Variants in SNORC observed in about 807,000 individuals in gnomAD.
SNORC encodes protein SNORC.
Under a neutral mutation model 9.7 loss-of-function variants are expected in SNORC, and 11 were observed. That is an observed-to-expected ratio of 1.14 (90% CI 0.72 to 1.88). The LOEUF (loss-of-function observed/expected upper bound fraction) is 1.88, where lower values mean the gene tolerates loss of function less well. Among genes scored for constraint, SNORC ranks in the 40% most tolerant of loss-of-function variants. The pLI is 0.00. For synonymous variants in SNORC, 108 were observed against 88.7 expected (o/e 1.22, Z -1.22); for missense variants, 197 against 173.1 (o/e 1.14, Z -0.77).
downstream of SNORC, chr2:232,876,640 C>G (rs1018487142): frequency 6.8e-6 from 7 of 1,030,756 alleles, no homozygotes; most frequent in African/African-American, 1.2e-4. The surrounding 1 kb of genome is among the most constrained non-coding windows in gnomAD (Gnocchi z 6.8). Context: ...CGCGCAGGGC[C>G]GCGCGGCTCG....
chr2:232,874,579 G>A (rs1316631151), intron 1 of SNORC, among the ~76,000 whole-genome samples: 3 of 152,200 alleles, frequency 2.0e-5, no homozygotes, highest in African/African-American at 7.2e-5. Flanking sequence ...ATGTTTCTGC[G>A]TGGTTTGCCC....
chr2:232,871,814 C>T (rs1691036045), intron 1 of SNORC, among the ~76,000 whole-genome samples: 1 of 152,212 alleles, frequency 6.6e-6, no homozygotes, highest in Non-Finnish European at 1.5e-5. Flanking sequence ...GAAGGGGAGG[C>T]CCTGGCTCCT....
At chr2:232,875,435 C>T (rs904669196) in intron 1 of SNORC, 8 of 371,830 alleles carry the variant, frequency 2.2e-5, no homozygotes, top group Non-Finnish European at 3.4e-5. Flanking sequence ...GGCCAAGAGC[C>T]GACCTACCAT....
At chr2:232,870,390 G>A (rs757771157) in exon 1 of SNORC, 25 of 1,572,208 alleles carry the variant, frequency 1.6e-5, no homozygotes, top group Non-Finnish European at 2.2e-5. Flanking sequence ...GGTCTCCGGG[G>A]TTCTGGCCCC....
chr2:232,867,470 G>A (rs534322528), upstream of SNORC, among the ~76,000 whole-genome samples: 8 of 152,318 alleles, frequency 5.3e-5, no homozygotes, highest in South Asian at 1.7e-3. Context: ...GCAGCTATCT[G>A]TAATTTTAGA....
chr2:232,874,896 T>C (rs1295355163), intron 1 of SNORC, among the ~76,000 whole-genome samples: 2 of 152,214 alleles, frequency 1.3e-5, no homozygotes, highest in Non-Finnish European at 2.9e-5. Context: ...AGCCTTGGCT[T>C]TCTTGTCTCT....
chr2:232,873,355 C>T (rs1295630932), intron 1 of SNORC, among the ~76,000 whole-genome samples: 1 of 151,854 alleles, frequency 6.6e-6, no homozygotes, highest in Non-Finnish European at 1.5e-5. Context: ...CAGAGACAGG[C>T]TGGGTCACGG....
At position 232,876,046 on chromosome 2, in the gene SNORC, C is replaced by T; in HGVS notation, c.180C>T (p.Asp60=). 6.5e-7 allele frequency: 1 copy of T among 1,541,630 alleles called. No individual in the cohort carries two copies. The highest frequency in any genetic ancestry group is 1.2e-5 in the South Asian group (1 of 84,078). ...CCAGCCCCGGCCGGGAGCCCGTGGA[C>T]ACCGGTCCCCCAGCCCCCACCGTCG... Residue 60 remains aspartate, a synonymous_variant, in exon 2 of 3, where the codon GAC becomes GAT. Coordinates refer to ENST00000331342, the Ensembl canonical transcript of SNORC. The surrounding 1 kb of genome is among the most constrained non-coding windows in gnomAD (Gnocchi z 6.8).
chr2:232,867,287 G>A (rs1314185513), upstream of SNORC, among the ~76,000 whole-genome samples: 1 of 152,128 alleles, frequency 6.6e-6, no homozygotes, highest in East Asian at 1.9e-4. Context: ...TAAATCCTAG[G>A]ATATACCAAA....
intron 1 of SNORC, among the ~76,000 whole-genome samples, chr2:232,874,199 C>G (rs1276298644): frequency 6.6e-6 from 1 of 152,224 alleles, no homozygotes; most frequent in Non-Finnish European, 1.5e-5. Context: ...CCTAGTCTTG[C>G]CAACTGCCAA....
intron 1 of SNORC, among the ~76,000 whole-genome samples, chr2:232,873,673 C>T (rs1691112788): frequency 6.6e-6 from 1 of 152,134 alleles, no homozygotes; most frequent in South Asian, 2.1e-4. Flanking sequence ...ACCCTGGTGC[C>T]TGCCAGGCGG....
At chr2:232,876,403 T>G, downstream of SNORC, 1 of 1,490,982 alleles carries the variant, frequency 6.7e-7, no homozygotes. The surrounding 1 kb of genome is among the most constrained non-coding windows in gnomAD (Gnocchi z 6.8). Context: ...TCGGCTGCAC[T>G]CCTCACGCGC....
chr2:232,874,362 A>C (rs1691137483), intron 1 of SNORC, among the ~76,000 whole-genome samples: 1 of 152,210 alleles, frequency 6.6e-6, no homozygotes, highest in Non-Finnish European at 1.5e-5. Flanking sequence ...GGAAGTGAGC[A>C]CTGAGGCAGT....
chr2:232,875,567 G>A, intron 1 of SNORC: 1 of 392,136 alleles, frequency 2.6e-6, no homozygotes. Flanking sequence ...TGAGGATACA[G>A]GGCGGGGGTT....
chr2:232,873,351 C>G (rs1691101050), intron 1 of SNORC, among the ~76,000 whole-genome samples: 1 of 152,074 alleles, frequency 6.6e-6, no homozygotes, highest in Admixed American at 6.5e-5. Context: ...GCAGCAGAGA[C>G]AGGCTGGGTC....
upstream of SNORC, among the ~76,000 whole-genome samples, chr2:232,868,641 C>T (rs915614562): frequency 3.9e-5 from 6 of 152,120 alleles, no homozygotes; most frequent in East Asian, 1.9e-4. Flanking sequence ...GTGTGGTCGC[C>T]AAAGATAAAT....
intron 1 of SNORC, among the ~76,000 whole-genome samples, chr2:232,874,682 G>A (rs1691151273): frequency 6.6e-6 from 1 of 152,214 alleles, no homozygotes; most frequent in Non-Finnish European, 1.5e-5. Context: ...TATGAGGAGG[G>A]CAAGTGTCTG....
At chr2:232,872,295 C>T (rs10172857) in intron 1 of SNORC, among the ~76,000 whole-genome samples, 1 of 152,194 alleles carries the variant, frequency 6.6e-6, no homozygotes, top group African/African-American at 2.4e-5. Context: ...GCCTCAGCTA[C>T]TGAGGTGGGA....
At chr2:232,874,917 T>TA (rs933442674) in intron 1 of SNORC, among the ~76,000 whole-genome samples, 60 of 152,348 alleles carry the variant, frequency 3.9e-4, no homozygotes, top group African/African-American at 1.4e-3. Flanking sequence ...GAAATGGGGA[T>TA]AAAAGCAGTT....
Sources: gnomAD v4.1 joint callset for allele counts (sites outside exome capture counted in the v4.1 genomes callset) on GRCh38, gnomAD v4.1.1 for gene constraint, Gnocchi (gnomAD v3.1) non-coding constraint, MANE v1.5 for transcripts, NCBI Gene and HGNC (gene_info 2026-07-23, HGNC 2026-07-21) for gene names.